EXOC2: variants seen among roughly 807,000 people sequenced by gnomAD.
EXOC2 encodes exocyst complex component 2.
Under a neutral mutation model 131.8 loss-of-function variants are expected in EXOC2, and 70 were observed. That is an observed-to-expected ratio of 0.53 (90% confidence interval 0.44 to 0.65). The LOEUF (loss-of-function observed/expected upper bound fraction) is 0.65, where lower values mean the gene tolerates loss of function less well. Ranked by LOEUF, EXOC2 falls within the 30% of genes least tolerant of loss-of-function variation. EXOC2 has a pLI of 0.00. For synonymous variants in EXOC2, 411 were observed against 398.4 expected, an observed-to-expected ratio of 1.03 and a Z score of -0.38; for missense variants, 923 against 1,108.6, an observed-to-expected ratio of 0.83 and a Z score of 2.38.
chr6:653,829 C>T (rs956767340), intron 1 of EXOC2, among the ~76,000 whole-genome samples: 7 of 152,176 alleles, frequency 4.6e-5, no homozygotes, highest in African/African-American at 1.7e-4. Flanking sequence ...GAAGTCAATA[C>T]CTGGCTTCAA....
intron 1 of EXOC2, among the ~76,000 whole-genome samples, chr6:659,124 CT>C (rs1763298705): frequency 1.3e-5 from 2 of 152,174 alleles, no homozygotes; most frequent in East Asian, 3.9e-4. Context: ...TTCAATTGAC[CT>C]TTTATGTCTC....
intron 26 of EXOC2, 62 bp from the exon 27 acceptor site, chr6:489,100 T>C: frequency 6.6e-7 from 1 of 1,504,660 alleles, no homozygotes. Flanking sequence ...TGACAAATTC[T>C]TAAGCATCCC....
chr6:522,174 C>A (rs1765503083), intron 23 of EXOC2, among the ~76,000 whole-genome samples: 3 of 152,198 alleles, frequency 2.0e-5, no homozygotes, highest in Admixed American at 1.3e-4. Context: ...GACAGGTGGA[C>A]CAGCAGGACA....
intron 23 of EXOC2, among the ~76,000 whole-genome samples, chr6:530,525 CGACCTGGA>C (rs1766015271): frequency 1.3e-5 from 2 of 152,184 alleles, no homozygotes; most frequent in Non-Finnish European, 2.9e-5. Context: ...TAGGCCAATG[CGACCTGGA>C]GACATGCAGG....
chr6:609,947 A>C, intron 7 of EXOC2, 151 bp downstream of exon 7: 1 of 587,402 alleles, frequency 1.7e-6, no homozygotes, highest in Non-Finnish European at 3.0e-6. Context: ...CAATGTTTCT[A>C]TTCTCCTTTG....
intron 25 of EXOC2, among the ~76,000 whole-genome samples, chr6:492,923 A>C (rs1188386961): frequency 6.6e-6 from 1 of 152,186 alleles, no homozygotes; most frequent in African/African-American, 2.4e-5. Flanking sequence ...ATTTCATAAA[A>C]GTTTTAAGAA....
intron 1 of EXOC2, among the ~76,000 whole-genome samples, chr6:663,660 C>T (rs1763514215): frequency 6.6e-6 from 1 of 152,050 alleles, no homozygotes; most frequent in African/African-American, 2.4e-5. Context: ...TATGATACAC[C>T]ACATAAACAG....
chr6:588,794 TTC>T (rs1332848710), intron 11 of EXOC2, among the ~76,000 whole-genome samples: 1 of 151,564 alleles, frequency 6.6e-6, no homozygotes, highest in African/African-American at 2.4e-5. Flanking sequence ...ACAAGAAAGC[TTC>T]TGTCACCTTT....
At chr6:626,575 C>G (rs1011930625) in intron 4 of EXOC2, among the ~76,000 whole-genome samples, 2 of 152,068 alleles carry the variant, frequency 1.3e-5, no homozygotes, top group African/African-American at 4.8e-5. Flanking sequence ...ACTAGGACCA[C>G]AGCACTCACA....
intron 7 of EXOC2, among the ~76,000 whole-genome samples, chr6:604,214 T>A (rs911615198): frequency 3.9e-5 from 6 of 152,214 alleles, no homozygotes; most frequent in African/African-American, 9.6e-5. Context: ...CCTCTCCTTA[T>A]GCGCCAAACG....
intron 7 of EXOC2, among the ~76,000 whole-genome samples, chr6:602,617 G>A (rs1299894434): frequency 3.3e-5 from 5 of 152,216 alleles, no homozygotes; most frequent in Non-Finnish European, 2.9e-5. Context: ...ATAGGCTGTA[G>A]GACAAACCCT....
At position 646,817 on chromosome 6, in the gene EXOC2, G is replaced by GACAATGTGCTT. The variant is rs199779715; in HGVS notation, c.-43-8957_-43-8956insAAGCACATTGT. The stretch of plus-strand genomic sequence containing the variant: ...GACAAAAGTGTGGAAAGCTTGTTTT[G>GACAATGTGCTT]ACAATGTGCTAGAAAACTATTATAA... On this transcript the variant is annotated intron_variant, in intron 1 of 27. Transcript: ENST00000230449. Among the ~76,000 whole-genome samples, 110 of 152,242 alleles carry GACAATGTGCTT rather than the reference G, an allele frequency of 7.2e-4. No homozygotes were observed. The East Asian group carries it at 0.018, about 25-fold the overall frequency.
intron 1 of EXOC2, chr6:656,263 G>A: frequency 6.2e-7 from 1 of 1,614,228 alleles, no homozygotes. Context: ...ACCCGCACTT[G>A]CACCATGCTC....
intron 23 of EXOC2, among the ~76,000 whole-genome samples, chr6:532,160 A>G (rs1766125120): frequency 6.6e-6 from 1 of 152,246 alleles, no homozygotes; most frequent in Non-Finnish European, 1.5e-5. Context: ...GTCACTCACA[A>G]TCACTCTATT....
intron 1 of EXOC2, among the ~76,000 whole-genome samples, chr6:670,720 T>C (rs1266385814): frequency 6.6e-6 from 1 of 152,200 alleles, no homozygotes; most frequent in Non-Finnish European, 1.5e-5. Flanking sequence ...TCAAAAATGA[T>C]GCCACAACTC....
intron 22 of EXOC2, 56 bp downstream of exon 22, chr6:549,119 T>C (rs1248487752): frequency 2.1e-6 from 3 of 1,450,426 alleles, no homozygotes; most frequent in Non-Finnish European, 2.9e-6. Context: ...AGGAAACAGC[T>C]TGAAAACTGA....
In EXOC2 at chr6:602,923, C is replaced by T. The variant is rs181619688; in HGVS notation, c.743-3698G>A. ...CCCAGTGATCTTACATCCTTAACAACGGAACAAACATCTTTGTATGTGCCA... is the reference window on the plus strand; with the variant it reads ...CCCAGTGATCTTACATCCTTAACAATGGAACAAACATCTTTGTATGTGCCA... On this transcript the variant is annotated intron_variant, in intron 7 of 27. Coordinates refer to ENST00000230449, the MANE Select transcript of EXOC2 (RefSeq NM_018303.6). Among the ~76,000 whole-genome samples, 41 of 152,284 alleles carry T rather than the reference C, an allele frequency of 2.7e-4. 1 individual carries two copies. The East Asian group carries it at 3.9e-3, about 14-fold the overall frequency.
intron 1 of EXOC2, among the ~76,000 whole-genome samples, chr6:685,869 C>CT (rs58892194): frequency 0.022 from 2,116 of 98,202 alleles, 158 homozygotes; most frequent in African/African-American, 0.038. Flanking sequence ...TCCTGGACCT[C>CT]TTTTTTTTTT....
intron 1 of EXOC2, among the ~76,000 whole-genome samples, chr6:670,876 TG>T (rs1763832150): frequency 6.6e-6 from 1 of 151,942 alleles, no homozygotes; most frequent in Non-Finnish European, 1.5e-5. Context: ...ATGAGCCCAT[TG>T]GGGTAGCTTT....
Sources: gnomAD v4.1 joint callset for allele counts (sites outside exome capture counted in the v4.1 genomes callset) on GRCh38, gnomAD v4.1.1 for gene constraint, MANE v1.5 for transcripts, NCBI Gene and HGNC (gene_info 2026-07-23, HGNC 2026-07-21) for gene names.